EPHB1: variants seen among roughly 807,000 people sequenced by gnomAD.
EPHB1 encodes the protein EPH receptor B1.
EPHB1 carries 30 observed loss-of-function variants against 94.4 expected under a neutral mutation model. That is an observed-to-expected ratio of 0.32 (90% CI 0.24 to 0.43). The LOEUF is 0.43. Ranked by LOEUF, EPHB1 falls within the 20% of genes least tolerant of loss-of-function variation. The pLI, the probability that EPHB1 is intolerant of heterozygous loss-of-function variation, is 1.00. For missense variants in EPHB1, 1,055 were observed against 1,308.3 expected, an observed-to-expected ratio of 0.81 and a Z score of 2.99; for synonymous variants, 522 against 489.1, an observed-to-expected ratio of 1.07 and a Z score of -0.89.
chr3:134,922,702 G>A (rs561209274), intron 1 of EPHB1, among the ~76,000 whole-genome samples: 3 of 152,120 alleles, frequency 2.0e-5, no homozygotes, highest in Non-Finnish European at 2.9e-5. Flanking sequence ...GCATTATTCT[G>A]GGAGCTTTTG....
At chr3:134,801,861 C>G (rs1485628601) in intron 1 of EPHB1, among the ~76,000 whole-genome samples, 2 of 152,194 alleles carry the variant, frequency 1.3e-5, no homozygotes, top group Non-Finnish European at 2.9e-5. Flanking sequence ...ATTAGAGCCA[C>G]TTTGCTGGCT....
intron 2 of EPHB1, among the ~76,000 whole-genome samples, chr3:134,929,109 A>G (rs1202049988): frequency 6.6e-6 from 1 of 152,176 alleles, no homozygotes; most frequent in East Asian, 1.9e-4. Context: ...TGGTAGACGG[A>G]GGGAACAAGG....
chr3:134,861,400 C>T (rs1402496594), intron 1 of EPHB1, among the ~76,000 whole-genome samples: 1 of 152,068 alleles, frequency 6.6e-6, no homozygotes, highest in Non-Finnish European at 1.5e-5. Context: ...ATGGACTCCA[C>T]ATTTTGGGGG....
intron 10 of EPHB1, among the ~76,000 whole-genome samples, chr3:135,181,625 G>C (rs1942154251): frequency 6.6e-6 from 1 of 152,102 alleles, no homozygotes; most frequent in Admixed American, 6.6e-5. Flanking sequence ...CATGTGCTTA[G>C]AGCGATGTGT....
At chr3:135,133,645 G>T (rs1286831345) in intron 5 of EPHB1, among the ~76,000 whole-genome samples, 7 of 150,308 alleles carry the variant, frequency 4.7e-5, no homozygotes, top group African/African-American at 1.7e-4. Flanking sequence ...TTGCTCTGAT[G>T]AATGATATGC....
At chr3:135,228,831 G>A (rs1428039826) in intron 12 of EPHB1, among the ~76,000 whole-genome samples, 1 of 152,116 alleles carries the variant, frequency 6.6e-6, no homozygotes, top group Non-Finnish European at 1.5e-5. Flanking sequence ...TCCTTTGGGA[G>A]ATTTTTATCT....
At chr3:134,867,033 A>G (rs1022811079) in intron 1 of EPHB1, among the ~76,000 whole-genome samples, 1 of 152,152 alleles carries the variant, frequency 6.6e-6, no homozygotes, top group African/African-American at 2.4e-5. Context: ...CTGGGGGCTG[A>G]TCCCGTCCAC....
intron 1 of EPHB1, among the ~76,000 whole-genome samples, chr3:134,876,816 A>AGGGGCTGTCAATCC (rs533951266): frequency 0.012 from 1,837 of 152,258 alleles, 41 homozygotes; most frequent in African/African-American, 0.042. Context: ...TCCTAAAGAA[A>AGGGGCTGTCAATCC]GGGGCTGTCA....
chr3:134,900,973 T>C (rs755173940), intron 1 of EPHB1, among the ~76,000 whole-genome samples: 35 of 152,308 alleles, frequency 2.3e-4, no homozygotes, highest in Admixed American at 1.6e-3. Context: ...TGGTGACTGG[T>C]CTGATGAAAA....
intron 1 of EPHB1, among the ~76,000 whole-genome samples, chr3:134,922,848 G>A (rs2038715423): frequency 6.6e-6 from 1 of 152,214 alleles, no homozygotes; most frequent in Admixed American, 6.5e-5. Context: ...GTGGGAAACT[G>A]TGTGACTTGA....
rs2107698151 is a variant in EPHB1, at chr3:135,162,052, G to C, written c.1457G>C (p.Ser486Thr). ...GAGTTCAACTCCTCCATGGCCAGGAGTCAGACCAACACAGCAAGGATTGAT... is the reference window on the plus strand; with the variant it reads ...GAGTTCAACTCCTCCATGGCCAGGACTCAGACCAACACAGCAAGGATTGAT... ...HNEFNSSMAR[S>T]QTNTARIDGL... The change falls in exon 7 of 16, where the codon AGT (serine) becomes ACT (threonine). Residue 486 changes from serine to threonine, a missense_variant. By Grantham distance (58) the Ser-to-Thr change is moderately conservative (BLOSUM62 1). Transcript: ENST00000398015. 6.2e-7 allele frequency: 1 copy of C among 1,613,158 alleles called. No homozygotes were observed. The highest frequency in any genetic ancestry group is 8.5e-7 in the Non-Finnish European group (1 of 1,179,458).
chr3:134,916,343 C>T (rs142786814), intron 1 of EPHB1, among the ~76,000 whole-genome samples: 2 of 152,228 alleles, frequency 1.3e-5, no homozygotes, highest in Admixed American at 6.5e-5. Context: ...GCCAGTCCCG[C>T]GCTGTGTGCC....
chr3:134,955,637 A>G lies in EPHB1; in HGVS notation c.805+3585A>G, dbSNP rs1306831135. The stretch of plus-strand genomic sequence containing the variant: ...CCATTACTGGGTATATACCCAAAGG[A>G]CTATAAATCATGCTGCTATAAAGAC... On this transcript the variant is annotated intron_variant, in intron 3 of 15. Transcript: ENST00000398015. 4.7e-5 allele frequency among the ~76,000 whole-genome samples: 2 copies of G among 42,978 alleles called. 1 individual carries two copies. The highest frequency in any genetic ancestry group is 9.1e-5 in the Non-Finnish European group (2 of 21,986). The allele number at this position is 42,978 out of a possible 152,430, so 28.2% of individuals were successfully genotyped here.
intron 3 of EPHB1, among the ~76,000 whole-genome samples, chr3:134,991,818 C>A (rs1461816627): frequency 6.6e-6 from 1 of 152,180 alleles, no homozygotes; most frequent in Non-Finnish European, 1.5e-5. Context: ...CCCGTCATGT[C>A]CCCAGGGAGT....
chr3:135,155,356 G>A (rs1476348213), intron 6 of EPHB1, among the ~76,000 whole-genome samples: 1 of 152,052 alleles, frequency 6.6e-6, no homozygotes, highest in Non-Finnish European at 1.5e-5. Context: ...ATCTGGAGGA[G>A]GAAAGGGCAA....
At chr3:134,964,869 C>A (rs1425618093) in intron 3 of EPHB1, among the ~76,000 whole-genome samples, 1 of 152,162 alleles carries the variant, frequency 6.6e-6, no homozygotes. Flanking sequence ...GAGTGAATGG[C>A]TATTTCCATT....
rs1174327737 is a variant in EPHB1, at chr3:135,166,039, G to C, written c.1657G>C (p.Val553Leu). The C allele has an allele frequency of 1.2e-6, 2 of 1,613,892 alleles. No homozygotes were observed. The highest frequency in any genetic ancestry group is 1.3e-5 in the African/African-American group (1 of 75,020). ...CTCGGCAGCGGCCGGGGTCGTGTTC[G>C]TTGTGTCCTTGGTGGCCATCTCTAT... ...AGSAAAGVVF[V>L]VSLVAISIVC... Residue 553 changes from valine (V) to leucine (L), a missense_variant, in exon 8 of 16, where the codon GTT becomes CTT. Val to Leu is a conservative substitution (Grantham distance 32). Coordinates refer to ENST00000398015, the MANE Select transcript of EPHB1 (RefSeq NM_004441.5).
intron 1 of EPHB1, among the ~76,000 whole-genome samples, chr3:134,878,152 C>T (rs1286758565): frequency 6.6e-6 from 1 of 152,200 alleles, no homozygotes; most frequent in Non-Finnish European, 1.5e-5. Context: ...CTGGGAGAAT[C>T]TTCTGGCCCC....
intron 5 of EPHB1, among the ~76,000 whole-genome samples, chr3:135,139,586 G>T (rs1940746373): frequency 6.6e-6 from 1 of 152,172 alleles, no homozygotes; most frequent in South Asian, 2.1e-4. Context: ...CCTTTGTGGA[G>T]CTTGCATTCT....
Sources: gnomAD v4.1 joint callset for allele counts (sites outside exome capture counted in the v4.1 genomes callset) on GRCh38, gnomAD v4.1.1 for gene constraint, MANE v1.5 for transcripts, NCBI Gene and HGNC (gene_info 2026-07-23, HGNC 2026-07-21) for gene names.